FGFR1: variants seen among roughly 807,000 people sequenced by gnomAD.
FGFR1 encodes fibroblast growth factor receptor 1.
Under a neutral mutation model 93.7 loss-of-function variants are expected in FGFR1, and 18 were observed. The observed-to-expected ratio is 0.19, with a 90% CI of 0.13 to 0.28. The LOEUF is 0.28. Ranked by LOEUF, FGFR1 falls within the 10% of genes least tolerant of loss-of-function variation. The pLI, the probability that FGFR1 is intolerant of heterozygous loss-of-function variation, is 1.00. For missense variants in FGFR1, 731 were observed against 1,080.4 expected (o/e 0.68, Z 4.53); for synonymous variants, 448 against 429.3 (o/e 1.04, Z -0.54).
intron 1 of FGFR1, chr8:38,465,630 G>C (rs1835325106): frequency 4.5e-6 from 1 of 224,346 alleles, no homozygotes; most frequent in Admixed American, 5.7e-5. Flanking sequence ...AAGACGGCCG[G>C]CAATAGCAGA....
chr8:38,424,752 A>G lies in FGFR1; in HGVS notation c.746-53T>C, dbSNP rs1820120258. On this transcript the variant is annotated intron_variant, in intron 6 of 17. Transcript: ENST00000447712. The surrounding 1 kb of genome is among the most constrained non-coding windows in gnomAD (Gnocchi z 4.3). ...GTCATGGGGACCTTGCCATGGCTAAAGAGGGGTGGGCTCACCTGCGCCCCA... is the reference window on the plus strand; with the variant it reads ...GTCATGGGGACCTTGCCATGGCTAAGGAGGGGTGGGCTCACCTGCGCCCCA... 1.9e-6 allele frequency: 3 copies of G among 1,581,320 alleles called. No individual in the cohort carries two copies. Among genetic ancestry groups the G allele is most frequent in the Admixed American group, 3.4e-5 (2 of 58,982 alleles).
In FGFR1 at chr8:38,423,285, A is replaced by C. The variant is rs796913145; in HGVS notation, c.936+1224T>G. On this transcript the variant is annotated intron_variant, in intron 7 of 17. Transcript: ENST00000447712. ...GCCCAGGGAGCGAAGGGAGATGTTA[A>C]GTGAGATTTATTACCTTTCCCTTTT... The C allele has an allele frequency of 6.1e-6, 4 of 651,522 alleles. 1 individual carries two copies. Among genetic ancestry groups the C allele is most frequent in the African/African-American group, 5.6e-5 (3 of 53,752 alleles). The allele number at this position is 651,522 out of a possible 1,614,324, so 40.4% of individuals were successfully genotyped here. A position where few individuals can be genotyped will look rare whatever the true frequency, so the allele number is the denominator to read the frequency against.
Position 38,424,761 on chromosome 8 carries a change from G to A in FGFR1, c.746-62C>T, listed in dbSNP as rs899882358. 2.9e-5 allele frequency: 45 copies of A among 1,557,384 alleles called. No homozygotes were observed. The highest frequency in any genetic ancestry group is 3.9e-5 in the Non-Finnish European group (44 of 1,140,550). On this transcript the variant is annotated intron_variant, in intron 6 of 17. Transcript: ENST00000447712. The surrounding 1 kb of genome is among the most constrained non-coding windows in gnomAD (Gnocchi z 4.3). The stretch of plus-strand genomic sequence containing the variant: ...ACCTTGCCATGGCTAAAGAGGGGTG[G>A]GCTCACCTGCGCCCCACTTGGCTTT...
At chr8:38,458,647 C>A (rs976161188) in intron 1 of FGFR1, among the ~76,000 whole-genome samples, 2 of 152,118 alleles carry the variant, frequency 1.3e-5, no homozygotes, top group African/African-American at 2.4e-5. Context: ...AGCTAAGGAC[C>A]AGTAAATGGA....
rs377315932 is a variant in FGFR1, at chr8:38,455,586, C to T, written c.91+1770G>A. On this transcript the variant is annotated intron_variant, in intron 2 of 17. Coordinates refer to ENST00000447712, the MANE Select transcript of FGFR1 (RefSeq NM_023110.3). The stretch of plus-strand genomic sequence containing the variant: ...GATTACAGGCGTGAGCCACCGTGCC[C>T]GGCCCTAAGTATAGTTTTCTTAGCA... Among the ~76,000 whole-genome samples the T allele has an allele frequency of 4.5e-4, 69 of 152,188 alleles. 1 individual carries two copies. The highest frequency in any genetic ancestry group is 1.5e-3 in the African/African-American group (63 of 41,442).
chr8:38,447,001 T>G (rs1563586295), intron 2 of FGFR1, among the ~76,000 whole-genome samples: 1 of 152,000 alleles, frequency 6.6e-6, no homozygotes, highest in African/African-American at 2.4e-5. Flanking sequence ...CATTGATTAT[T>G]CTAGGCTAGG....
rs143341876 is a variant in FGFR1 at position 38,457,379 on chromosome 8, G to C, written c.68C>G (p.Pro23Arg). The change falls in exon 2 of 18, where the codon CCG becomes CGG. Residue 23 changes from proline to arginine, a missense_variant. Physicochemically the swap from Pro to Arg is moderately radical, Grantham distance 103. Coordinates refer to ENST00000447712, the MANE Select transcript of FGFR1 (RefSeq NM_023110.3). ...ACCTTGTTCAGGCAAGGTCGGGGAC[G>C]GCCTAGCGGTGCAGAGTGTGGCTGT... is the stretch of plus-strand genomic sequence containing the variant. ...LVTATLCTAR[P>R]SPTLPEQAQP... 1 of 1,613,682 alleles carries C rather than the reference G, an allele frequency of 6.2e-7. No homozygotes were observed. The highest frequency in any genetic ancestry group is 8.5e-7 in the Non-Finnish European group (1 of 1,180,014).
chr8:38,418,181 G>C (rs1197849881), intron 10 of FGFR1, 47 bp downstream of exon 10: 1 of 1,613,686 alleles, frequency 6.2e-7, no homozygotes, highest in East Asian at 2.2e-5. Flanking sequence ...CACTAGAATA[G>C]CAAGCAAGGA....
In FGFR1 at chr8:38,460,184, AAACT is replaced by A. The variant is rs1162023610; in HGVS notation, c.-88-2654_-88-2651del. Among the ~76,000 whole-genome samples, 10 of 152,298 alleles carry A rather than the reference AAACT, an allele frequency of 6.6e-5. No homozygotes were observed. In the East Asian group the frequency reaches 1.5e-3, roughly 24 times the overall value. ...GGTGACGGAGTGAGACTCTGTCTCA[AAACT>A]AACTAACTAAAAGAAAGACCCTTGG... On this transcript the variant is annotated intron_variant, in intron 1 of 17. Coordinates refer to ENST00000447712, the MANE Select transcript of FGFR1 (RefSeq NM_023110.3).
At chr8:38,451,101 G>C (rs1830925419) in intron 2 of FGFR1, among the ~76,000 whole-genome samples, 1 of 152,164 alleles carries the variant, frequency 6.6e-6, no homozygotes, top group Non-Finnish European at 1.5e-5. Flanking sequence ...CTCCACCCTT[G>C]TTCTCAAGAG....
chr8:38,412,463 G>C lies in FGFR1; in HGVS notation c.*1165C>G. On this transcript the variant is annotated 3_prime_UTR_variant, in exon 18 of 18. Transcript: ENST00000447712. ...AAACCATCCATGGTCGATGGCTGCT[G>C]GGCCTTGACTCTCTGCCCAGCGCCT... 4.3e-6 allele frequency: 1 copy of C among 232,592 alleles called. No homozygotes were observed. The highest frequency in any genetic ancestry group is 6.1e-5 in the East Asian group (1 of 16,512). 14.4% of individuals were successfully genotyped at this position (232,592 alleles called of 1,614,324 possible). A position where few individuals can be genotyped will look rare whatever the true frequency, so the allele number is the denominator to read the frequency against.
chr8:38,444,653 A>C (rs981062652), intron 2 of FGFR1, among the ~76,000 whole-genome samples: 5 of 151,016 alleles, frequency 3.3e-5, no homozygotes, highest in Non-Finnish European at 7.4e-5. Flanking sequence ...GGGCCTCCAA[A>C]AGTGCTGGGA....
At chr8:38,448,278 ATTTTTTT>A in intron 2 of FGFR1, among the ~76,000 whole-genome samples, 1 of 136,356 alleles carries the variant, frequency 7.3e-6, no homozygotes, top group African/African-American at 2.7e-5. Context: ...CAAAACACCA[ATTTTTTT>A]TTTTTTTTTT....
intron 1 of FGFR1, chr8:38,459,125 A>T (rs1451530923): frequency 4.4e-6 from 1 of 227,074 alleles, no homozygotes; most frequent in African/African-American, 2.2e-5. Context: ...ATAGCTGTTA[A>T]CATTTACCAA....
chr8:38,464,393 A>G (rs1167751299), intron 1 of FGFR1, among the ~76,000 whole-genome samples: 1 of 151,674 alleles, frequency 6.6e-6, no homozygotes, highest in African/African-American at 2.4e-5. Flanking sequence ...TCTTGAAGAC[A>G]GGATGTACTA....
At chr8:38,420,972 C>T (rs556130048) in intron 8 of FGFR1, among the ~76,000 whole-genome samples, 73 of 152,282 alleles carry the variant, frequency 4.8e-4, no homozygotes, top group African/African-American at 1.5e-3. Flanking sequence ...AAAAACAGAA[C>T]GCTTCTCTGC....
intron 2 of FGFR1, among the ~76,000 whole-genome samples, chr8:38,454,545 A>C (rs1330138771): frequency 6.6e-6 from 1 of 152,106 alleles, no homozygotes; most frequent in Non-Finnish European, 1.5e-5. Context: ...TAGTGTCTTT[A>C]CTACTTTTTC....
At chr8:38,420,754 G>A (rs1030390981) in intron 8 of FGFR1, among the ~76,000 whole-genome samples, 4 of 152,042 alleles carry the variant, frequency 2.6e-5, no homozygotes, top group Non-Finnish European at 5.9e-5. Flanking sequence ...TGGAGGCGGC[G>A]CCCCTGGGAA....
chr8:38,466,273 CACCGCGGGGCAGCCGAGAGGGG>C (rs1835476944), intron 1 of FGFR1: 1 of 232,364 alleles, frequency 4.3e-6, no homozygotes, highest in Admixed American at 5.6e-5. Flanking sequence ...CGCGTGACGC[CACCGCGGGGCAGCCGAGAGGGG>C]ACCGCGGGCT....
Sources: gnomAD v4.1 joint callset for allele counts (sites outside exome capture counted in the v4.1 genomes callset) on GRCh38, gnomAD v4.1.1 for gene constraint, Gnocchi (gnomAD v3.1) non-coding constraint, MANE v1.5 for transcripts, NCBI Gene and HGNC (gene_info 2026-07-23, HGNC 2026-07-21) for gene names.